Variants in FUT8 observed in about 807,000 individuals in gnomAD.
FUT8 encodes the protein fucosyltransferase 8.
In FUT8, 29 loss-of-function variants were observed where a neutral mutation model predicts 71.3. The ratio of observed to expected loss-of-function variants is 0.41; its 90% CI spans 0.30 to 0.55. The LOEUF is 0.55. FUT8 is among the 20% of genes least tolerant of loss of function. The pLI, the probability that FUT8 is intolerant of heterozygous loss-of-function variation, is 0.34. For synonymous variants in FUT8, 254 were observed against 239.3 expected (o/e 1.06, Z -0.57); for missense variants, 544 against 702.1 (o/e 0.77, Z 2.55).
At chr14:65,376,657 C>T in the FUT8 span, among the ~76,000 whole-genome samples, 3 of 151,488 alleles carry the variant, frequency 2.0e-5, no homozygotes, top group Non-Finnish European at 2.9e-5. Context: ...AGTGATCCAC[C>T]CGCCTTGGCC....
intron 2 of FUT8, among the ~76,000 whole-genome samples, chr14:65,456,017 C>T (rs758522489): frequency 3.9e-5 from 6 of 152,102 alleles, no homozygotes; most frequent in African/African-American, 7.2e-5. Flanking sequence ...CTTTTGGCAT[C>T]GTTGTGTGGC....
At chr14:65,449,933 CT>C (rs1441267359) in intron 1 of FUT8, among the ~76,000 whole-genome samples, 1 of 152,134 alleles carries the variant, frequency 6.6e-6, no homozygotes, top group Non-Finnish European at 1.5e-5. Context: ...GTAAATAGCC[CT>C]TTTATTATCA....
chr14:65,618,350 T>TTTGTTG (rs928037386), intron 5 of FUT8, among the ~76,000 whole-genome samples: 1 of 152,004 alleles, frequency 6.6e-6, no homozygotes, highest in South Asian at 2.1e-4. Flanking sequence ...AGTTTTCCAT[T>TTTGTTG]TTGTTGTTGT....
chr14:65,578,024 C>CA (rs1886885199), intron 3 of FUT8, among the ~76,000 whole-genome samples: 1 of 151,958 alleles, frequency 6.6e-6, no homozygotes, highest in African/African-American at 2.4e-5. Context: ...AGAAAGGTGT[C>CA]ACATGAAAAA....
intron 1 of FUT8, among the ~76,000 whole-genome samples, chr14:65,415,776 A>C (rs1174806627): frequency 1.3e-5 from 2 of 151,374 alleles, no homozygotes; most frequent in Non-Finnish European, 2.9e-5. Flanking sequence ...CTTAACCCTT[A>C]TCTCCTGCAG....
intron 1 of FUT8, among the ~76,000 whole-genome samples, chr14:65,417,635 T>C (rs1460864271): frequency 2.0e-5 from 3 of 152,204 alleles, no homozygotes; most frequent in African/African-American, 7.2e-5. Flanking sequence ...AATACCTCTT[T>C]GTGGTAGTCT....
intron 7 of FUT8, among the ~76,000 whole-genome samples, chr14:65,672,061 T>A (rs1566887517): frequency 1.3e-5 from 2 of 152,224 alleles, no homozygotes; most frequent in Non-Finnish European, 2.9e-5. Flanking sequence ...GGAATTAGTT[T>A]GTACAGTGAT....
chr14:65,614,951 A>G (rs1889205731), intron 3 of FUT8, among the ~76,000 whole-genome samples: 1 of 152,216 alleles, frequency 6.6e-6, no homozygotes, highest in Non-Finnish European at 1.5e-5. Flanking sequence ...CAAAACAGGA[A>G]CAAGCACAGT....
intron 6 of FUT8, among the ~76,000 whole-genome samples, chr14:65,630,496 G>C (rs2140265010): frequency 6.6e-6 from 1 of 152,240 alleles, no homozygotes; most frequent in South Asian, 2.1e-4. Context: ...TACAAAAGTG[G>C]TATGAGAGTG....
chr14:65,412,176 G>C (rs944702370), upstream of FUT8: 45 of 456,740 alleles, frequency 9.9e-5, no homozygotes, highest in African/African-American at 8.8e-4. Flanking sequence ...GCTCTTACAA[G>C]ATAAAGTAGG....
At chr14:65,455,511 T>C in intron 1 of FUT8, 110 bp from the exon 2 acceptor site, 1 of 392,830 alleles carries the variant, frequency 2.5e-6, no homozygotes, top group Non-Finnish European at 4.5e-6. Context: ...TGAATTTGCA[T>C]GTTATGACTG....
At chr14:65,478,612 AC>A (rs1437875946) in intron 2 of FUT8, among the ~76,000 whole-genome samples, 1 of 152,218 alleles carries the variant, frequency 6.6e-6, no homozygotes, top group Non-Finnish European at 1.5e-5. Context: ...TTGGGAGGCT[AC>A]TAGGCTGGGT....
intron 1 of FUT8, among the ~76,000 whole-genome samples, chr14:65,449,736 G>GTCGCCACCCCTGCCT (rs1383658082): frequency 1.3e-5 from 2 of 152,186 alleles, no homozygotes; most frequent in Non-Finnish European, 2.9e-5. Context: ...CTTCTAGGCT[G>GTCGCCACCCCTGCCT]TCGCCACCCC....
intron 2 of FUT8, among the ~76,000 whole-genome samples, chr14:65,464,337 T>A (rs2066010945): frequency 6.6e-6 from 1 of 151,844 alleles, no homozygotes; most frequent in African/African-American, 2.4e-5. Flanking sequence ...TCTCAATTTG[T>A]GTACCTTTTA....
intron 1 of FUT8, among the ~76,000 whole-genome samples, chr14:65,422,007 G>A (rs1356850346): frequency 6.6e-6 from 1 of 151,990 alleles, no homozygotes; most frequent in Non-Finnish European, 1.5e-5. Context: ...AGTGTACTGT[G>A]TCCAGTGATC....
chr14:65,371,340 C>T, the FUT8 span, among the ~76,000 whole-genome samples: 5 of 152,178 alleles, frequency 3.3e-5, no homozygotes, highest in African/African-American at 1.2e-4. Context: ...ATGTAACCTA[C>T]AAAAACCATA....
chr14:65,730,402 A>G (rs904778896), intron 9 of FUT8, among the ~76,000 whole-genome samples: 3 of 152,206 alleles, frequency 2.0e-5, no homozygotes, highest in Admixed American at 2.0e-4. Context: ...GACCGGACGC[A>G]GTGGCTCACG....
intron 6 of FUT8, among the ~76,000 whole-genome samples, chr14:65,633,154 G>T (rs1410639189): frequency 6.6e-6 from 1 of 152,110 alleles, no homozygotes; most frequent in East Asian, 1.9e-4. Context: ...GAGTGCCTGC[G>T]ATTGCAGGCG....
chr14:65,601,441 C>T (rs967087835), intron 3 of FUT8, among the ~76,000 whole-genome samples: 2 of 152,148 alleles, frequency 1.3e-5, no homozygotes, highest in Non-Finnish European at 2.9e-5. Flanking sequence ...GAGTATAACT[C>T]TACCTTTCAG....
Sources: gnomAD v4.1 joint callset for allele counts (sites outside exome capture counted in the v4.1 genomes callset) on GRCh38, gnomAD v4.1.1 for gene constraint, MANE v1.5 for transcripts, NCBI Gene and HGNC (gene_info 2026-07-23, HGNC 2026-07-21) for gene names.